ASCC3: variants seen among roughly 807,000 people sequenced by gnomAD.
ASCC3 encodes ASC-1 complex subunit P200.
Under a neutral mutation model 256.3 loss-of-function variants are expected in ASCC3, and 158 were observed. The ratio of observed to expected loss-of-function variants is 0.62; its 90% CI spans 0.54 to 0.70. ASCC3 has a LOEUF of 0.70. ASCC3 is among the 30% of genes least tolerant of loss of function. The pLI, the probability that ASCC3 is intolerant of heterozygous loss-of-function variation, is 0.00. For missense variants in ASCC3, 2,259 were observed against 2,626.0 expected (o/e 0.86, Z 3.05); for synonymous variants, 948 against 883.4 (o/e 1.07, Z -1.30).
At chr6:100,742,408 C>T (rs1173599253) in intron 10 of ASCC3, among the ~76,000 whole-genome samples, 1 of 152,168 alleles carries the variant, frequency 6.6e-6, no homozygotes, top group African/African-American at 2.4e-5. Flanking sequence ...AGGTGTGCTG[C>T]ATTAGGGGGT....
At chr6:100,722,183 T>C (rs1779373634) in intron 11 of ASCC3, among the ~76,000 whole-genome samples, 2 of 151,556 alleles carry the variant, frequency 1.3e-5, no homozygotes, top group Non-Finnish European at 3.0e-5. Flanking sequence ...TTCTGTTCCA[T>C]TTGGTCTATG....
chr6:100,528,394 T>C (rs536685820), intron 37 of ASCC3, among the ~76,000 whole-genome samples: 1 of 152,206 alleles, frequency 6.6e-6, no homozygotes, highest in Non-Finnish European at 1.5e-5. Flanking sequence ...TGAAGAAAGG[T>C]ATAGACATAC....
At chr6:100,819,883 A>G (rs1330111279) in intron 4 of ASCC3, among the ~76,000 whole-genome samples, 1 of 151,508 alleles carries the variant, frequency 6.6e-6, no homozygotes, top group Non-Finnish European at 1.5e-5. Context: ...AATCAAGTTT[A>G]CACTCAATAT....
At chr6:100,683,684 T>G (rs182963403) in intron 13 of ASCC3, among the ~76,000 whole-genome samples, 45 of 152,242 alleles carry the variant, frequency 3.0e-4, no homozygotes, top group Non-Finnish European at 5.6e-4. Context: ...GTTAAATTGG[T>G]GTGTGTCATT....
chr6:100,618,136 G>A (rs1296173208), intron 30 of ASCC3, among the ~76,000 whole-genome samples: 1 of 152,176 alleles, frequency 6.6e-6, no homozygotes, highest in Non-Finnish European at 1.5e-5. Flanking sequence ...TGGATATTTT[G>A]GGGAAGTAGG....
rs1472467821 is a variant in ASCC3, at chr6:100,691,651, T to C, written c.2152-11899A>G. Among the ~76,000 whole-genome samples, 7 of 152,112 alleles carry C rather than the reference T, an allele frequency of 4.6e-5. No individual in the cohort carries two copies. In the South Asian group the frequency reaches 1.2e-3, roughly 27 times the overall value. ...AACATACAGAAGAAAATAAAGATAA[T>C]CATACACGTTAATTTTACTTGCTCA... On this transcript the variant is annotated intron_variant, in intron 13 of 41. Transcript: ENST00000369162.
intron 34 of ASCC3, among the ~76,000 whole-genome samples, chr6:100,599,608 A>G (rs762261145): frequency 6.6e-6 from 1 of 151,994 alleles, no homozygotes; most frequent in African/African-American, 2.4e-5. Context: ...GGTGAAGGGT[A>G]TACAGTGCTG....
chr6:100,654,141 T>C (rs559019518), intron 17 of ASCC3, among the ~76,000 whole-genome samples: 42 of 152,262 alleles, frequency 2.8e-4, no homozygotes, highest in African/African-American at 8.7e-4. Flanking sequence ...AAATGTTTGC[T>C]ATGAGTGATA....
chr6:100,782,113 G>C (rs1294670445), intron 8 of ASCC3, among the ~76,000 whole-genome samples: 3 of 152,060 alleles, frequency 2.0e-5, no homozygotes, highest in African/African-American at 7.2e-5. Context: ...ATTCTTGGGA[G>C]ACTGTATAGT....
chr6:100,596,176 T>C (rs1772285798), intron 34 of ASCC3, among the ~76,000 whole-genome samples: 1 of 152,110 alleles, frequency 6.6e-6, no homozygotes, highest in Non-Finnish European at 1.5e-5. Context: ...TTATTTCTGG[T>C]TTTATTATAT....
intron 33 of ASCC3, among the ~76,000 whole-genome samples, chr6:100,604,648 G>A (rs946285356): frequency 1.3e-5 from 2 of 150,832 alleles, no homozygotes; most frequent in African/African-American, 2.4e-5. Context: ...ATCTATCTAC[G>A]TTACCTAGGC....
chr6:100,819,538 G>T (rs955307495), intron 4 of ASCC3, among the ~76,000 whole-genome samples: 4 of 152,176 alleles, frequency 2.6e-5, no homozygotes, highest in Non-Finnish European at 4.4e-5. Flanking sequence ...TGACAGGGCA[G>T]CCTTCAATCT....
At chr6:100,722,681 AT>A (rs1217352117) in intron 11 of ASCC3, among the ~76,000 whole-genome samples, 2 of 151,680 alleles carry the variant, frequency 1.3e-5, no homozygotes, top group Non-Finnish European at 3.0e-5. Flanking sequence ...TATACTGCAC[AT>A]GTTTTTCTTA....
At chr6:100,859,214 T>G (rs1253331033) in intron 3 of ASCC3, 1 of 779,784 alleles carries the variant, frequency 1.3e-6, no homozygotes, top group Non-Finnish European at 2.4e-6. Context: ...TAGGAAAAAG[T>G]AGCCCAAATG....
chr6:100,713,618 T>C (rs1310288544), intron 13 of ASCC3, among the ~76,000 whole-genome samples: 1 of 152,174 alleles, frequency 6.6e-6, no homozygotes, highest in Non-Finnish European at 1.5e-5. Flanking sequence ...ATTATCCCTC[T>C]GGTACTGGGG....
chr6:100,870,822 T>A (rs189331431), intron 1 of ASCC3, among the ~76,000 whole-genome samples: 4 of 152,266 alleles, frequency 2.6e-5, no homozygotes, highest in Admixed American at 2.6e-4. Context: ...TCCTGGAGCA[T>A]TTGGAAGAAA....
intron 10 of ASCC3, among the ~76,000 whole-genome samples, chr6:100,743,486 G>A (rs190657366): frequency 3.3e-5 from 5 of 151,668 alleles, no homozygotes; most frequent in Admixed American, 1.3e-4. Flanking sequence ...CCTCACCCCC[G>A]GACTCTCCTA....
At chr6:100,864,342 T>C (rs1773377804) in intron 2 of ASCC3, 128 bp from the exon 3 acceptor site, 2 of 810,724 alleles carry the variant, frequency 2.5e-6, no homozygotes, top group Non-Finnish European at 3.9e-6. Context: ...GTTGTATCTA[T>C]TCACATCCAA....
chr6:100,788,496 A>G (rs1441766014), intron 8 of ASCC3, among the ~76,000 whole-genome samples: 2 of 151,994 alleles, frequency 1.3e-5, no homozygotes, highest in Non-Finnish European at 2.9e-5. Flanking sequence ...TATATGTTCA[A>G]ATAAATACCT....
Sources: gnomAD v4.1 joint callset for allele counts (sites outside exome capture counted in the v4.1 genomes callset) on GRCh38, gnomAD v4.1.1 for gene constraint, MANE v1.5 for transcripts, NCBI Gene and HGNC (gene_info 2026-07-23, HGNC 2026-07-21) for gene names.